Variants in SNX29 observed in about 807,000 individuals in gnomAD.
SNX29 encodes the protein sorting nexin 29.
Under a neutral mutation model 102.1 loss-of-function variants are expected in SNX29, and 78 were observed. That is an observed-to-expected ratio of 0.76 (90% CI 0.64 to 0.92). SNX29 has a LOEUF of 0.92. Ranked by LOEUF, SNX29 falls within the 40% of genes least tolerant of loss-of-function variation. The probability of loss-of-function intolerance (pLI) is 0.00; values close to 1 mark genes in which losing one functional copy is unlikely to be tolerated. For missense variants in SNX29, 1,280 were observed against 1,061.7 expected (o/e 1.21, Z -2.86); for synonymous variants, 580 against 414.5 (o/e 1.40, Z -4.85).
chr16:12,499,758 T>G (rs2089017177), intron 19 of SNX29, among the ~76,000 whole-genome samples: 1 of 152,204 alleles, frequency 6.6e-6, no homozygotes, highest in Non-Finnish European at 1.5e-5. Flanking sequence ...ACTTGCAGCC[T>G]TGACCTCCCT....
intron 16 of SNX29, among the ~76,000 whole-genome samples, chr16:12,396,282 C>G (rs775202089): frequency 1.8e-4 from 27 of 152,180 alleles, no homozygotes; most frequent in Non-Finnish European, 2.5e-4. Flanking sequence ...TCTGCCTTGT[C>G]TTTCACCTTG....
intron 11 of SNX29, among the ~76,000 whole-genome samples, chr16:12,106,673 G>T (rs2053263344): frequency 6.6e-6 from 1 of 151,308 alleles, no homozygotes; most frequent in African/African-American, 2.4e-5. Flanking sequence ...TAGAGACAGG[G>T]TCTCACTGTG....
At chr16:12,332,818 T>C (rs1226172565) in intron 15 of SNX29, among the ~76,000 whole-genome samples, 1 of 152,124 alleles carries the variant, frequency 6.6e-6, no homozygotes, top group Non-Finnish European at 1.5e-5. Flanking sequence ...TCTGCTCCTC[T>C]TTCATTTCGT....
chr16:12,289,284 T>C (rs2079712913), intron 15 of SNX29, among the ~76,000 whole-genome samples: 1 of 152,204 alleles, frequency 6.6e-6, no homozygotes. Context: ...ACTGGCACTG[T>C]CTTCTTCTCA....
At chr16:12,387,327 C>T (rs2083374867) in intron 16 of SNX29, among the ~76,000 whole-genome samples, 1 of 152,192 alleles carries the variant, frequency 6.6e-6, no homozygotes, top group East Asian at 1.9e-4. Context: ...GCTCCGGTGC[C>T]CCATTCTTCC....
At chr16:11,993,315 T>G (rs1035289062) in intron 1 of SNX29, among the ~76,000 whole-genome samples, 1 of 152,138 alleles carries the variant, frequency 6.6e-6, no homozygotes. Context: ...GGTTGCCTCC[T>G]GCTTGTTTTC....
intron 14 of SNX29, among the ~76,000 whole-genome samples, chr16:12,237,595 AC>A (rs1247475981): frequency 3.6e-4 from 55 of 151,770 alleles, no homozygotes; most frequent in African/African-American, 1.3e-3. Context: ...ACATGGTGAA[AC>A]CCCCGTCTCT....
intron 15 of SNX29, among the ~76,000 whole-genome samples, chr16:12,310,476 G>A (rs555805776): frequency 1.3e-5 from 2 of 151,724 alleles, no homozygotes; most frequent in South Asian, 2.1e-4. Flanking sequence ...ATTGGCACGC[G>A]TAACAGCATG....
intron 14 of SNX29, among the ~76,000 whole-genome samples, chr16:12,234,210 T>C (rs1008744464): frequency 6.6e-6 from 1 of 152,180 alleles, no homozygotes; most frequent in African/African-American, 2.4e-5. Context: ...CACTTGTTAT[T>C]GTCTGTCTTT....
chr16:12,179,775 T>A (rs959029736), intron 13 of SNX29, among the ~76,000 whole-genome samples: 2 of 152,226 alleles, frequency 1.3e-5, no homozygotes, highest in African/African-American at 4.8e-5. Flanking sequence ...CTCTTTATAC[T>A]TACAAATCAG....
chr16:12,491,203 C>G (rs981020211), intron 19 of SNX29, among the ~76,000 whole-genome samples: 1 of 152,188 alleles, frequency 6.6e-6, no homozygotes, highest in Admixed American at 6.5e-5. Context: ...CAATTTTTCC[C>G]TATTTGGTCA....
chr16:12,006,609 G>A (rs1182046610), intron 3 of SNX29, among the ~76,000 whole-genome samples: 1 of 151,152 alleles, frequency 6.6e-6, no homozygotes, highest in Non-Finnish European at 1.5e-5. Context: ...CTCAGAAGGA[G>A]CAGAAGTATT....
intron 13 of SNX29, among the ~76,000 whole-genome samples, chr16:12,166,643 A>G (rs1046097750): frequency 6.6e-6 from 1 of 152,154 alleles, no homozygotes; most frequent in African/African-American, 2.4e-5. Flanking sequence ...ATGAATTGTT[A>G]TGTAGACACA....
intron 14 of SNX29, among the ~76,000 whole-genome samples, chr16:12,262,981 G>T (rs771932922): frequency 6.6e-6 from 1 of 152,186 alleles, no homozygotes; most frequent in Non-Finnish European, 1.5e-5. Flanking sequence ...AGTAGACTCA[G>T]CTCCTTCATG....
chr16:12,499,229 G>T (rs2088986085), intron 19 of SNX29, among the ~76,000 whole-genome samples: 1 of 152,158 alleles, frequency 6.6e-6, no homozygotes, highest in African/African-American at 2.4e-5. Context: ...CAGTACTGTT[G>T]GTGGCAGGCA....
intron 13 of SNX29, among the ~76,000 whole-genome samples, chr16:12,162,121 C>T (rs1403719488): frequency 6.6e-6 from 1 of 152,114 alleles, no homozygotes; most frequent in Non-Finnish European, 1.5e-5. Context: ...GACTGAAACA[C>T]CAGGCTTGTT....
intron 15 of SNX29, among the ~76,000 whole-genome samples, chr16:12,308,279 G>A (rs2080409326): frequency 6.6e-6 from 1 of 152,234 alleles, no homozygotes; most frequent in Non-Finnish European, 1.5e-5. Flanking sequence ...GCTCATGGTG[G>A]CTTCTGGGTC....
At chr16:12,376,930 G>A (rs1336974651) in intron 16 of SNX29, among the ~76,000 whole-genome samples, 9 of 152,028 alleles carry the variant, frequency 5.9e-5, no homozygotes, top group Non-Finnish European at 1.2e-4. Flanking sequence ...TGGGGAACTT[G>A]GTTTCTGTGA....
At chr16:12,517,736 C>T (rs988912970) in intron 19 of SNX29, among the ~76,000 whole-genome samples, 1 of 152,050 alleles carries the variant, frequency 6.6e-6, no homozygotes, top group African/African-American at 2.4e-5. Context: ...AAGAGTCCTG[C>T]AGTGAAGGAA....
Sources: gnomAD v4.1 joint callset for allele counts (sites outside exome capture counted in the v4.1 genomes callset) on GRCh38, gnomAD v4.1.1 for gene constraint, MANE v1.5 for transcripts, NCBI Gene and HGNC (gene_info 2026-07-23, HGNC 2026-07-21) for gene names.